The following GBF1 variants were observed in gnomAD, a reference collection of about 807,000 sequenced individuals.
The protein encoded by GBF1 is golgi brefeldin A resistant guanine nucleotide exchange factor 1, also known as Golgi-specific brefeldin A-resistance guanine nucleotide exchange factor 1.
In GBF1, 114 loss-of-function variants were observed where a neutral mutation model predicts 210.5. The ratio of observed to expected loss-of-function variants is 0.54; its 90% confidence interval spans 0.47 to 0.63. GBF1 has a LOEUF of 0.63. Ranked by LOEUF, GBF1 falls within the 30% of genes least tolerant of loss-of-function variation. The probability of loss-of-function intolerance (pLI) is 0.00; values close to 1 mark genes in which losing one functional copy is unlikely to be tolerated. For synonymous variants in GBF1, 850 were observed against 889.2 expected (o/e 0.96, Z 0.78); for missense variants, 1,851 against 2,357.7 (o/e 0.79, Z 4.45).
At chr10:102,305,586 G>A (rs921304367) in intron 3 of GBF1, among the ~76,000 whole-genome samples, 3 of 151,976 alleles carry the variant, frequency 2.0e-5, no homozygotes, top group East Asian at 3.9e-4. Flanking sequence ...CTCCAGGCTG[G>A]GCAACAGAGC....
chr10:102,244,145 A>G (rs1293417895), upstream of GBF1, among the ~76,000 whole-genome samples: 1 of 151,894 alleles, frequency 6.6e-6, no homozygotes, highest in Non-Finnish European at 1.5e-5. Context: ...ACAAACAAAC[A>G]AAAGACAAAA....
At chr10:102,282,230 C>A (rs909065976) in intron 3 of GBF1, among the ~76,000 whole-genome samples, 2 of 151,962 alleles carry the variant, frequency 1.3e-5, no homozygotes, top group African/African-American at 4.8e-5. Context: ...CCACCGCGCC[C>A]GGCCGCCTGT....
the GBF1 span, among the ~76,000 whole-genome samples, chr10:102,232,339 A>C: frequency 5.6e-4 from 85 of 152,294 alleles, no homozygotes; most frequent in African/African-American, 1.9e-3. Flanking sequence ...TGGGAACTAG[A>C]ACTGTGCCAG....
At chr10:102,378,421 G>A (rs965708812) in intron 33 of GBF1, among the ~76,000 whole-genome samples, 23 of 151,780 alleles carry the variant, frequency 1.5e-4, no homozygotes, top group Non-Finnish European at 2.5e-4. Context: ...CCAGGAGTTC[G>A]AGACCAGCCT....
intron 8 of GBF1, among the ~76,000 whole-genome samples, chr10:102,354,873 A>G (rs1589753805): frequency 1.3e-5 from 2 of 149,804 alleles, no homozygotes; most frequent in South Asian, 2.1e-4. Flanking sequence ...GATTACCTGG[A>G]CTGGGTTTGG....
intron 3 of GBF1, among the ~76,000 whole-genome samples, chr10:102,318,131 T>G (rs1250181407): frequency 2.0e-5 from 3 of 152,024 alleles, no homozygotes; most frequent in Admixed American, 2.0e-4. Flanking sequence ...CTCCTGACCT[T>G]GTGATCCGCC....
intron 1 of GBF1, among the ~76,000 whole-genome samples, chr10:102,252,279 G>C (rs1359709359): frequency 6.6e-6 from 1 of 151,604 alleles, no homozygotes; most frequent in Non-Finnish European, 1.5e-5. Flanking sequence ...CAGAGGTTAC[G>C]GTGAGCCGAG....
In GBF1 at chr10:102,365,390, C is replaced by T; in HGVS notation, c.2107-7C>T. The T allele has an allele frequency of 6.2e-7, 1 of 1,612,110 alleles. No individual in the cohort carries two copies. Among genetic ancestry groups the T allele is most frequent in the Non-Finnish European group, 8.5e-7 (1 of 1,178,356 alleles). On this transcript the variant is annotated splice_region_variant and splice_polypyrimidine_tract_variant and intron_variant, in intron 17 of 39. Transcript: ENST00000369983. ...TAGCTTCTATACCTCTAGTTTTTCT[C>T]ATGCAGCTGCTAATCACTGGCACAG...
intron 3 of GBF1, among the ~76,000 whole-genome samples, chr10:102,332,578 T>C (rs1379515332): frequency 6.6e-6 from 1 of 152,086 alleles, no homozygotes; most frequent in African/African-American, 2.4e-5. Flanking sequence ...GAGACAGTGT[T>C]TCACCATGTT....
chr10:102,323,686 G>A (rs1192031793), intron 3 of GBF1, among the ~76,000 whole-genome samples: 4 of 151,408 alleles, frequency 2.6e-5, no homozygotes, highest in South Asian at 4.2e-4. Context: ...GATTACAGGC[G>A]TGAGCCACCA....
chr10:102,365,271 C>A, intron 17 of GBF1, 126 bp from the exon 18 acceptor site: 2 of 667,306 alleles, frequency 3.0e-6, no homozygotes, highest in Non-Finnish European at 5.3e-6. Flanking sequence ...GTTCTGTAAT[C>A]ACTAAGAACC....
chr10:102,378,035 C>T (rs985316144), intron 33 of GBF1, among the ~76,000 whole-genome samples: 10 of 150,332 alleles, frequency 6.7e-5, no homozygotes, highest in South Asian at 4.3e-4. Context: ...CTGGCTAACA[C>T]GGTGAAACCC....
rs2059866353 is a variant in GBF1, at chr10:102,365,558, G to A, written c.2268G>A (p.Val756=). ...ACAAGAAGATGATTGGAGAGTTTGT[G>A]AGTGACCGCAAAAACATTGACCTGT... is the stretch of plus-strand genomic sequence containing the variant. ...RLDKKMIGEF[V]SDRKNIDLLE... The change falls in exon 18 of 40, where the codon GTG becomes GTA. Residue 756 remains valine, a synonymous_variant. Coordinates refer to ENST00000369983, the MANE Select transcript of GBF1 (RefSeq NM_001377137.1). The A allele has an allele frequency of 6.2e-7, 1 of 1,614,062 alleles. No individual in the cohort carries two copies. The highest frequency in any genetic ancestry group is 1.3e-5 in the African/African-American group (1 of 74,922).
rs779251809 is a variant in GBF1 at position 102,375,730 on chromosome 10, G to A, written c.3886+146G>A. 11 of 623,858 alleles carry A rather than the reference G, an allele frequency of 1.8e-5. No individual in the cohort carries two copies. In the Admixed American group the frequency reaches 1.8e-4, roughly 10 times the overall value. The allele number at this position is 623,858 out of a possible 1,614,324, so 38.6% of individuals were successfully genotyped here. A position where few individuals can be genotyped will look rare whatever the true frequency, so the allele number is the denominator to read the frequency against. On this transcript the variant is annotated intron_variant, in intron 30 of 39. Coordinates refer to ENST00000369983, the MANE Select transcript of GBF1 (RefSeq NM_001377137.1). ...ATCACTTCCAGAGCTTCCAGTGCCC[G>A]CTGGCTAGTACCCATAAGTTAAATA...
chr10:102,272,401 G>A (rs149910810), intron 3 of GBF1, among the ~76,000 whole-genome samples: 6 of 152,302 alleles, frequency 3.9e-5, no homozygotes, highest in Admixed American at 6.5e-5. Context: ...CACTGCACCC[G>A]GCCGCAATTG....
intron 3 of GBF1, among the ~76,000 whole-genome samples, chr10:102,337,369 CAAA>C (rs376089186): frequency 4.3e-5 from 4 of 92,610 alleles, no homozygotes; most frequent in African/African-American, 5.0e-5. Context: ...GACTCCGCCT[CAAA>C]AAAAAAAAAA....
At chr10:102,303,706 C>G (rs1047490635) in intron 3 of GBF1, among the ~76,000 whole-genome samples, 2 of 152,114 alleles carry the variant, frequency 1.3e-5, no homozygotes, top group South Asian at 2.1e-4. Flanking sequence ...TGAAGGACTT[C>G]AAAAATTTAA....
chr10:102,301,434 C>G (rs1456060528), intron 3 of GBF1, among the ~76,000 whole-genome samples: 1 of 152,268 alleles, frequency 6.6e-6, no homozygotes, highest in Non-Finnish European at 1.5e-5. Flanking sequence ...CCACATTTCC[C>G]CCTTTTCTAT....
Position 102,361,111 on chromosome 10 carries a change from C to G in GBF1, c.1482C>G (p.Phe494Leu). 1.9e-6 allele frequency: 3 copies of G among 1,553,434 alleles called. No individual in the cohort carries two copies. The highest frequency in any genetic ancestry group is 2.7e-6 in the Non-Finnish European group (3 of 1,124,770). ...LFESMREHLK[F>L]QMEMYIKKLM... is the part of the protein sequence containing the mutation. The stretch of plus-strand genomic sequence containing the variant: ...AGAGCATGCGAGAGCACCTCAAGTT[C>G]CAAATGGAGGTGAGTTTCTTGATGT... The change falls in exon 13 of 40, where the codon TTC (phenylalanine) becomes TTG (leucine). Residue 494 changes from phenylalanine to leucine, a missense_variant. By Grantham distance (22) the Phe-to-Leu change is conservative. Around this residue, in one of 3 missense-constraint regions of GBF1, gnomAD observed 804 missense variants for 958.6 expected, o/e 0.84. Coordinates refer to ENST00000369983, the MANE Select transcript of GBF1 (RefSeq NM_001377137.1).
Sources: allele counts gnomAD v4.1 joint callset (sites outside exome capture counted in the v4.1 genomes callset), GRCh38; gene constraint gnomAD v4.1.1; regional missense constraint gnomAD v4.1.1; transcripts MANE v1.5; gene names NCBI Gene and HGNC (gene_info 2026-07-23, HGNC 2026-07-21).